The following AHCYL2 variants were observed in gnomAD, a reference collection of about 807,000 sequenced individuals.
The protein encoded by AHCYL2 is S-adenosylhomocysteine hydrolase-like protein 2.
Under a neutral mutation model 81.4 loss-of-function variants are expected in AHCYL2, and 28 were observed. The ratio of observed to expected loss-of-function variants is 0.34; its 90% CI spans 0.25 to 0.47. The LOEUF is 0.47. Ranked by LOEUF, AHCYL2 falls within the 20% of genes least tolerant of loss-of-function variation. The pLI is 1.00. For missense variants in AHCYL2, 551 were observed against 785.1 expected, an observed-to-expected ratio of 0.70 and a Z score of 3.56; for synonymous variants, 272 against 290.2, an observed-to-expected ratio of 0.94 and a Z score of 0.64.
intron 1 of AHCYL2, among the ~76,000 whole-genome samples, chr7:129,286,149 C>T (rs993011000): frequency 2.0e-5 from 3 of 152,084 alleles, no homozygotes; most frequent in African/African-American, 7.2e-5. Flanking sequence ...TGAGGCTACA[C>T]AATATAAAAT....
intron 1 of AHCYL2, among the ~76,000 whole-genome samples, chr7:129,305,539 A>G: frequency 6.6e-6 from 1 of 152,032 alleles, no homozygotes; most frequent in Non-Finnish European, 1.5e-5. Flanking sequence ...TGTTGTTTCT[A>G]TTTATATCTT....
chr7:129,314,673 C>A (rs539830864), intron 1 of AHCYL2, among the ~76,000 whole-genome samples: 1 of 152,212 alleles, frequency 6.6e-6, no homozygotes, highest in East Asian at 1.9e-4. Context: ...AAAGGCCTCA[C>A]TTCCAAATAC....
intron 6 of AHCYL2, 132 bp from the exon 7 acceptor site, chr7:129,403,247 C>A: frequency 4.0e-6 from 2 of 504,532 alleles, no homozygotes; most frequent in East Asian, 3.7e-5. Context: ...CTTTAAGTTA[C>A]TTTGCATAAC....
chr7:129,273,267 T>C (rs6949882), intron 1 of AHCYL2, among the ~76,000 whole-genome samples: 140,375 of 149,532 alleles, frequency 0.94, 66,510 homozygotes, highest in East Asian at 1. Context: ...ACCAATAAAA[T>C]ATGGCCTCAA....
At chr7:129,236,699 G>C (rs1381792865) in intron 1 of AHCYL2, among the ~76,000 whole-genome samples, 1 of 152,126 alleles carries the variant, frequency 6.6e-6, no homozygotes, top group Non-Finnish European at 1.5e-5. Flanking sequence ...ATCAGCTAAC[G>C]ATACACGAAA....
chr7:129,310,493 G>C (rs1037802004), intron 1 of AHCYL2, among the ~76,000 whole-genome samples: 5 of 152,134 alleles, frequency 3.3e-5, no homozygotes, highest in African/African-American at 1.2e-4. Flanking sequence ...TAGAAGCCAG[G>C]GTTGAAGGAG....
intron 1 of AHCYL2, among the ~76,000 whole-genome samples, chr7:129,296,052 C>T (rs1334508087): frequency 6.6e-6 from 1 of 152,182 alleles, no homozygotes; most frequent in Non-Finnish European, 1.5e-5. Flanking sequence ...CAGCCACTTG[C>T]CTTCGCTGCT....
intron 1 of AHCYL2, among the ~76,000 whole-genome samples, chr7:129,370,646 T>C (rs781608319): frequency 8.5e-5 from 13 of 152,144 alleles, no homozygotes; most frequent in East Asian, 1.9e-4. Context: ...TACAGTGAGC[T>C]GAGATCGCGC....
intron 1 of AHCYL2, among the ~76,000 whole-genome samples, chr7:129,342,669 A>G (rs1347987884): frequency 6.6e-6 from 1 of 152,224 alleles, no homozygotes; most frequent in Non-Finnish European, 1.5e-5. Context: ...ATAAGCATAT[A>G]AAATTACCAT....
chr7:129,420,754 G>T (rs1420179111), intron 12 of AHCYL2, among the ~76,000 whole-genome samples: 1 of 151,446 alleles, frequency 6.6e-6, no homozygotes, highest in Non-Finnish European at 1.5e-5. Flanking sequence ...CCAAAGTGTT[G>T]GGATTACAGG....
At chr7:129,425,024 A>G (rs1235153384) in intron 14 of AHCYL2, 39 bp from the exon 15 acceptor site, 1 of 1,613,266 alleles carries the variant, frequency 6.2e-7, no homozygotes, top group Non-Finnish European at 8.5e-7. Context: ...GTAGATTGCC[A>G]TGAATGGCAC....
chr7:129,341,152 TAACTC>T (rs1283740472), intron 1 of AHCYL2, among the ~76,000 whole-genome samples: 7 of 152,222 alleles, frequency 4.6e-5, no homozygotes, highest in African/African-American at 1.7e-4. Context: ...CAGTGATGAG[TAACTC>T]AAAGAGGTAG....
intron 12 of AHCYL2, among the ~76,000 whole-genome samples, 199 bp downstream of exon 12, chr7:129,413,887 A>G (rs1049441141): frequency 6.6e-6 from 1 of 152,202 alleles, no homozygotes; most frequent in Non-Finnish European, 1.5e-5. Context: ...ATAATTCTAA[A>G]TGATTGTCAT....
chr7:129,255,109 A>T (rs1445460552), intron 1 of AHCYL2, among the ~76,000 whole-genome samples: 2 of 152,048 alleles, frequency 1.3e-5, no homozygotes, highest in African/African-American at 4.8e-5. Flanking sequence ...AAAAATACAA[A>T]AATTAGCCGG....
intron 1 of AHCYL2, among the ~76,000 whole-genome samples, chr7:129,358,193 A>C (rs1292552972): frequency 1.3e-5 from 2 of 151,914 alleles, no homozygotes; most frequent in African/African-American, 4.8e-5. Flanking sequence ...GGAGATTGAG[A>C]CCATCCTGGC....
At chr7:129,349,355 C>T (rs942193965) in intron 1 of AHCYL2, among the ~76,000 whole-genome samples, 1 of 149,694 alleles carries the variant, frequency 6.7e-6, no homozygotes, top group African/African-American at 2.5e-5. Flanking sequence ...TATGTCAGGC[C>T]GGGCATGGTG....
At chr7:129,251,387 A>AG (rs1267599428) in intron 1 of AHCYL2, among the ~76,000 whole-genome samples, 1 of 149,934 alleles carries the variant, frequency 6.7e-6, no homozygotes, top group Non-Finnish European at 1.5e-5. Flanking sequence ...GCTTGTGTGA[A>AG]GAGAAGTGAT....
chr7:129,284,177 TGGTTGG>T (rs1796544761), intron 1 of AHCYL2, among the ~76,000 whole-genome samples: 1 of 152,084 alleles, frequency 6.6e-6, no homozygotes, highest in South Asian at 2.1e-4. Flanking sequence ...GAAAGTTATG[TGGTTGG>T]GGTTGACTGT....
chr7:129,304,729 T>C (rs780890647), intron 1 of AHCYL2, among the ~76,000 whole-genome samples: 2 of 152,168 alleles, frequency 1.3e-5, no homozygotes, highest in African/African-American at 2.4e-5. Flanking sequence ...TCCATTGATA[T>C]GGAATATTTT....
Sources: gnomAD v4.1 joint callset for allele counts (sites outside exome capture counted in the v4.1 genomes callset) on GRCh38, gnomAD v4.1.1 for gene constraint, MANE v1.5 for transcripts, NCBI Gene and HGNC (gene_info 2026-07-23, HGNC 2026-07-21) for gene names.